SLC41A1: variants seen among roughly 807,000 people sequenced by gnomAD.
SLC41A1 encodes the protein solute carrier family 41 (magnesium transporter), member 1.
Under a neutral mutation model 47.3 loss-of-function variants are expected in SLC41A1, and 20 were observed. The ratio of observed to expected loss-of-function variants is 0.42; its 90% CI spans 0.30 to 0.61. SLC41A1 has a LOEUF of 0.61. Ranked by LOEUF, SLC41A1 falls within the 20% of genes least tolerant of loss-of-function variation. SLC41A1 has a pLI of 0.17. For synonymous variants in SLC41A1, 282 were observed against 272.7 expected (o/e 1.03, Z -0.34); for missense variants, 504 against 674.1 (o/e 0.75, Z 2.79).
At chr1:205,802,821 C>A (rs535438520) in intron 2 of SLC41A1, among the ~76,000 whole-genome samples, 13 of 152,058 alleles carry the variant, frequency 8.5e-5, no homozygotes, top group Admixed American at 3.3e-4. Flanking sequence ...TCACCTCACA[C>A]TCATTAGGAT....
chr1:205,811,313 G>A (rs889541056), intron 1 of SLC41A1, among the ~76,000 whole-genome samples: 2 of 152,118 alleles, frequency 1.3e-5, no homozygotes, highest in Non-Finnish European at 1.5e-5. Flanking sequence ...CCCTCCTGAG[G>A]GATCACCACC....
chr1:205,798,944 C>T lies in SLC41A1; in HGVS notation c.697+13G>A. On this transcript the variant is annotated intron_variant, in intron 5 of 10. Coordinates refer to ENST00000367137, the MANE Select transcript of SLC41A1 (RefSeq NM_173854.6). ...GCGGCACTCCTTACTCCTCTATGCC[C>T]TCCCTTTCTTACCCAGTACCAGGGA... The T allele has an allele frequency of 6.2e-7, 1 of 1,614,162 alleles. No homozygotes were observed. Among genetic ancestry groups the T allele is most frequent in the South Asian group, 1.1e-5 (1 of 91,078 alleles).
rs957512780 is a variant in SLC41A1, at chr1:205,810,282, G to A, written c.160C>T (p.Arg54Trp). 5.6e-6 allele frequency: 9 copies of A among 1,614,048 alleles called. No homozygotes were observed. The highest frequency in any genetic ancestry group is 7.6e-6 in the Non-Finnish European group (9 of 1,180,038). ...TCCCGAACCCCCTTGGCGTTGGCCC[G>A]AGACTCAATCACCACCTCTACCCCA... Reference protein sequence around the residue: ...GAGVEVVIESRANAKGVREED... With the variant: ...GAGVEVVIESWANAKGVREED... The change falls in exon 2 of 11, where the codon CGG becomes TGG. Residue 54 changes from arginine to tryptophan, a missense_variant. By Grantham distance (101) the Arg-to-Trp change is moderately radical. Transcript: ENST00000367137. This position sits in a 1 kb window ranked among gnomAD's most constrained non-coding sequence, Gnocchi z 5.5.
At chr1:205,800,710 G>A (rs1471572601) in intron 3 of SLC41A1, among the ~76,000 whole-genome samples, 3 of 152,276 alleles carry the variant, frequency 2.0e-5, no homozygotes, top group South Asian at 2.1e-4. Flanking sequence ...CAGGAGTCCA[G>A]GGGTGGCTGG....
intron 8 of SLC41A1, 173 bp from the exon 9 acceptor site, chr1:205,795,651 A>T: frequency 1.3e-6 from 1 of 793,588 alleles, no homozygotes; most frequent in Non-Finnish European, 2.1e-6. Flanking sequence ...GTAAGGCACT[A>T]AGAAGGAAGA....
At position 205,791,499 on chromosome 1, in the gene SLC41A1, T is replaced by C. The variant is rs187422633; in HGVS notation, c.*34A>G. On this transcript the variant is annotated 3_prime_UTR_variant, in exon 11 of 11. Transcript: ENST00000367137. This position sits in a 1 kb window ranked among gnomAD's most constrained non-coding sequence, Gnocchi z 4.0. The stretch of plus-strand genomic sequence containing the variant: ...CAAAAGAAAAATTTCAAATAGAAAG[T>C]GCAGAGGGATGGGGAAAATGTTGAG... 1.6e-5 allele frequency: 26 copies of C among 1,613,640 alleles called. No individual in the cohort carries two copies. In the Admixed American group the frequency reaches 4.0e-4, roughly 25 times the overall value.
chr1:205,799,249 G>T, intron 4 of SLC41A1, 148 bp from the exon 5 acceptor site: 1 of 1,094,598 alleles, frequency 9.1e-7, no homozygotes, highest in Non-Finnish European at 1.3e-6. Context: ...CAGGCTGGAA[G>T]GATGTCTTTA....
Position 205,810,608 on chromosome 1 carries a change from C to T in SLC41A1, c.-167G>A, listed in dbSNP as rs1656128483. On this transcript the variant is annotated 5_prime_UTR_variant, in exon 2 of 11. Transcript: ENST00000367137. This position sits in a 1 kb window ranked among gnomAD's most constrained non-coding sequence, Gnocchi z 5.5. ...CTACCAGGCACTGCAAAAACTGATCCACCAACAGGCAGCCCCATCAAGCAC... is the reference window on the plus strand; with the variant it reads ...CTACCAGGCACTGCAAAAACTGATCTACCAACAGGCAGCCCCATCAAGCAC... 9.3e-6 allele frequency: 9 copies of T among 963,760 alleles called. No homozygotes were observed. The highest frequency in any genetic ancestry group is 1.2e-5 in the Non-Finnish European group (8 of 648,810). The allele number at this position is 963,760 out of a possible 1,614,324, so 59.7% of individuals were successfully genotyped here. A position where few individuals can be genotyped will look rare whatever the true frequency, so the allele number is the denominator to read the frequency against.
intron 1 of SLC41A1, among the ~76,000 whole-genome samples, chr1:205,811,828 C>T (rs548744244): frequency 7.1e-4 from 108 of 152,140 alleles, no homozygotes; most frequent in Non-Finnish European, 1.5e-3. Flanking sequence ...TGCTCTTGGC[C>T]CTGTGAGCTT....
At chr1:205,808,726 A>G (rs1362718332) in intron 2 of SLC41A1, among the ~76,000 whole-genome samples, 1 of 152,224 alleles carries the variant, frequency 6.6e-6, no homozygotes, top group Non-Finnish European at 1.5e-5. Flanking sequence ...TCCATGTAGG[A>G]ACAACCTTCA....
chr1:205,804,908 G>A (rs574233079), intron 2 of SLC41A1, among the ~76,000 whole-genome samples: 2 of 152,322 alleles, frequency 1.3e-5, no homozygotes, highest in African/African-American at 4.8e-5. Flanking sequence ...AATGTTTTCT[G>A]AGCTGTTTGT....
In SLC41A1 at chr1:205,810,493, C is replaced by T. The variant is rs759568772; in HGVS notation, c.-52G>A. 7 of 1,612,998 alleles carry T rather than the reference C, an allele frequency of 4.3e-6. No individual in the cohort carries two copies. Among genetic ancestry groups the T allele is most frequent in the Middle Eastern group, 1.6e-4 (1 of 6,062 alleles). On this transcript the variant is annotated 5_prime_UTR_variant, in exon 2 of 11. Coordinates refer to ENST00000367137, the MANE Select transcript of SLC41A1 (RefSeq NM_173854.6). The surrounding 1 kb of genome is among the most constrained non-coding windows in gnomAD (Gnocchi z 5.5). ...AACTTTCCTCTCTTCTTTTTGCTTT[C>T]TCTCTTCTTCTCTAACTTGGGAAAG...
At position 205,789,195 on chromosome 1, in the gene SLC41A1, G is replaced by A. The variant is rs1042336152; in HGVS notation, c.*2338C>T. On this transcript the variant is annotated 3_prime_UTR_variant, in exon 11 of 11. Transcript: ENST00000367137. ...CTATAAATAATTCTCTTAAGACACA[G>A]TTCTGTAACTTTTTAAGGATACGAG... is the stretch of plus-strand genomic sequence containing the variant. The A allele has an allele frequency of 6.6e-6, 1 of 152,196 alleles. No homozygotes were observed. The highest frequency in any genetic ancestry group is 6.5e-5 in the Admixed American group (1 of 15,282). 9.4% of individuals were successfully genotyped at this position (152,196 alleles called of 1,614,324 possible). A position where few individuals can be genotyped will look rare whatever the true frequency, so the allele number is the denominator to read the frequency against.
intron 4 of SLC41A1, 117 bp downstream of exon 4, chr1:205,799,637 GAAGCC>G: frequency 8.9e-7 from 1 of 1,117,688 alleles, no homozygotes; most frequent in Non-Finnish European, 1.3e-6. Context: ...TACTCTGGGG[GAAGCC>G]AGCTCAGTGG....
chr1:205,795,523 G>A, intron 8 of SLC41A1, 45 bp from the exon 9 acceptor site: 1 of 1,609,848 alleles, frequency 6.2e-7, no homozygotes, highest in Non-Finnish European at 8.5e-7. Context: ...AGGTCAGAGG[G>A]AGGAGTGGGA....
In SLC41A1 at chr1:205,810,106, C is replaced by G; in HGVS notation, c.336G>C (p.Gly112=). 1 of 1,614,194 alleles carries G rather than the reference C, an allele frequency of 6.2e-7. No homozygotes were observed. Among genetic ancestry groups the G allele is most frequent in the African/African-American group, 1.3e-5 (1 of 75,054 alleles). Residue 112 remains glycine, a synonymous_variant, in exon 2 of 11, where the codon GGG becomes GGC. Transcript: ENST00000367137. The surrounding 1 kb of genome is among the most constrained non-coding windows in gnomAD (Gnocchi z 5.5). ...VLFPFLLAGF[G]TVAAGMVLDI... is the part of the protein sequence containing the mutation. ...CCAACACCATGCCAGCAGCCACGGT[C>G]CCAAAGCCTGCCAGGAGGAATGGAA...
At chr1:205,799,550 C>A (rs529650427) in intron 4 of SLC41A1, among the ~76,000 whole-genome samples, 1 of 152,314 alleles carries the variant, frequency 6.6e-6, no homozygotes, top group African/African-American at 2.4e-5. Flanking sequence ...CCACCAAGAA[C>A]TGAGAACCAG....
At chr1:205,794,137 AAC>A (rs140181825) in intron 10 of SLC41A1, among the ~76,000 whole-genome samples, 12,244 of 97,750 alleles carry the variant, frequency 0.13, 567 homozygotes, top group African/African-American at 0.15. Context: ...GCATAGAACG[AAC>A]ACACACGCAC....
At chr1:205,800,191 T>C (rs1655848185) in intron 3 of SLC41A1, among the ~76,000 whole-genome samples, 1 of 152,212 alleles carries the variant, frequency 6.6e-6, no homozygotes, top group Non-Finnish European at 1.5e-5. Context: ...CAGCCTGCGA[T>C]CCCAGGGAAG....
Sources: gnomAD v4.1 joint callset for allele counts (sites outside exome capture counted in the v4.1 genomes callset) on GRCh38, gnomAD v4.1.1 for gene constraint, Gnocchi (gnomAD v3.1) non-coding constraint, MANE v1.5 for transcripts, NCBI Gene and HGNC (gene_info 2026-07-23, HGNC 2026-07-21) for gene names.